Variants in EGFLAM observed in about 807,000 individuals in gnomAD.
EGFLAM encodes pikachurin.
Under a neutral mutation model 113.1 loss-of-function variants are expected in EGFLAM, and 79 were observed. The observed-to-expected ratio is 0.70, with a 90% CI of 0.58 to 0.84. EGFLAM has a LOEUF of 0.84. EGFLAM is among the 40% of genes least tolerant of loss of function. The pLI, the probability that EGFLAM is intolerant of heterozygous loss-of-function variation, is 0.00. For synonymous variants in EGFLAM, 504 were observed against 487.6 expected (o/e 1.03, Z -0.44); for missense variants, 1,265 against 1,291.6 (o/e 0.98, Z 0.32).
At chr5:38,365,512 T>C (rs932641615) in intron 5 of EGFLAM, among the ~76,000 whole-genome samples, 5 of 152,202 alleles carry the variant, frequency 3.3e-5, no homozygotes, top group Non-Finnish European at 5.9e-5. Flanking sequence ...TTTTTGAAAT[T>C]GTAGAATTGG....
intron 6 of EGFLAM, among the ~76,000 whole-genome samples, chr5:38,392,546 A>G (rs1437073946): frequency 3.3e-5 from 5 of 151,800 alleles, no homozygotes; most frequent in African/African-American, 1.2e-4. Context: ...GATTTCCAGA[A>G]TGGTTGAACT....
At chr5:38,396,053 A>G (rs1253073648) in intron 6 of EGFLAM, among the ~76,000 whole-genome samples, 1 of 152,084 alleles carries the variant, frequency 6.6e-6, no homozygotes, top group Admixed American at 6.6e-5. Flanking sequence ...CATTCACTGT[A>G]CCCACTCTTT....
intron 1 of EGFLAM, among the ~76,000 whole-genome samples, chr5:38,281,426 A>G (rs1324189686): frequency 1.3e-5 from 2 of 152,178 alleles, no homozygotes; most frequent in Non-Finnish European, 2.9e-5. Context: ...TATCCAAAAT[A>G]TTGCATGGGA....
intron 19 of EGFLAM, among the ~76,000 whole-genome samples, chr5:38,454,382 TCTC>T (rs202095274): frequency 0.012 from 1,848 of 152,138 alleles, 40 homozygotes; most frequent in African/African-American, 0.041. Context: ...GTTACCTAAA[TCTC>T]AGCCTCTGTC....
At chr5:38,269,538 G>A (rs960075265) in intron 1 of EGFLAM, among the ~76,000 whole-genome samples, 9 of 148,752 alleles carry the variant, frequency 6.1e-5, no homozygotes, top group Admixed American at 2.0e-4. Flanking sequence ...TGCCCAGGCT[G>A]GAGTGCAGTG....
intron 6 of EGFLAM, among the ~76,000 whole-genome samples, chr5:38,382,612 A>G (rs1204997959): frequency 6.6e-6 from 1 of 152,234 alleles, no homozygotes; most frequent in Non-Finnish European, 1.5e-5. Context: ...CTTATCTGCT[A>G]TTTCACAAAT....
chr5:38,407,022 G>A lies in EGFLAM; in HGVS notation c.1023G>A (p.Arg341=), dbSNP rs1741309897. The change falls in exon 8 of 22, where the codon AGG becomes AGA. Residue 341 remains arginine, a synonymous_variant. Coordinates refer to ENST00000322350, the MANE Select transcript of EGFLAM (RefSeq NM_152403.4). ...AGAATGGTGTGGCCATAATGTCAAG[G>A]CTCTTTGACATGCCTTGTGATGAAA... The part of the protein sequence containing the change: ...KGKNGVAIMS[R]LFDMPCDETL... 6.2e-7 allele frequency: 1 copy of A among 1,614,060 alleles called. No individual in the cohort carries two copies. Among genetic ancestry groups the A allele is most frequent in the Non-Finnish European group, 8.5e-7 (1 of 1,180,046 alleles).
intron 5 of EGFLAM, among the ~76,000 whole-genome samples, chr5:38,362,772 T>C (rs576441844): frequency 1.3e-5 from 2 of 152,314 alleles, no homozygotes; most frequent in South Asian, 4.1e-4. Flanking sequence ...CAAGTCCCTT[T>C]GCTCAGGCCC....
At chr5:38,352,125 C>A in intron 4 of EGFLAM, 71 bp from the exon 5 acceptor site, 1 of 1,603,492 alleles carries the variant, frequency 6.2e-7, no homozygotes, top group Non-Finnish European at 8.5e-7. Context: ...AGACCACCAG[C>A]CTAGCCCATT....
intron 18 of EGFLAM, among the ~76,000 whole-genome samples, chr5:38,449,906 A>C (rs905264449): frequency 9.2e-5 from 14 of 152,132 alleles, no homozygotes; most frequent in African/African-American, 3.4e-4. Flanking sequence ...TGTACCCTCA[A>C]ATATTCCAAT....
intron 1 of EGFLAM, among the ~76,000 whole-genome samples, chr5:38,337,232 A>T (rs1464119805): frequency 6.6e-6 from 1 of 152,202 alleles, no homozygotes; most frequent in African/African-American, 2.4e-5. Context: ...TTTGTGGTCT[A>T]TGCTACCCTG....
intron 6 of EGFLAM, among the ~76,000 whole-genome samples, chr5:38,378,823 T>C (rs2112055438): frequency 6.6e-6 from 1 of 152,284 alleles, no homozygotes; most frequent in South Asian, 2.1e-4. Flanking sequence ...CTAAGATGGG[T>C]ACAGTAATCC....
chr5:38,314,914 C>T (rs1230566349), intron 1 of EGFLAM, among the ~76,000 whole-genome samples: 1 of 152,124 alleles, frequency 6.6e-6, no homozygotes, highest in Non-Finnish European at 1.5e-5. Flanking sequence ...CAGTATGGAG[C>T]GGAGCTGCAG....
At chr5:38,455,725 C>A (rs1425487682) in intron 19 of EGFLAM, among the ~76,000 whole-genome samples, 1 of 152,166 alleles carries the variant, frequency 6.6e-6, no homozygotes, top group Non-Finnish European at 1.5e-5. Context: ...CCCCCTCCCA[C>A]AGTGATGGCT....
In EGFLAM at chr5:38,464,053, G is replaced by T. The variant is rs2112305125; in HGVS notation, c.*67G>T. Reference sequence around the variant, plus strand: ...AGAATCCCAGGGGCCCTCAGACCCTGCCTGATGCTATATGCAGAGGCCCAG... The same window carrying T: ...AGAATCCCAGGGGCCCTCAGACCCTTCCTGATGCTATATGCAGAGGCCCAG... On this transcript the variant is annotated 3_prime_UTR_variant, in exon 22 of 22. Transcript: ENST00000322350. The T allele has an allele frequency of 1.3e-6, 2 of 1,597,820 alleles. No homozygotes were observed. The highest frequency in any genetic ancestry group is 2.2e-5 in the East Asian group (1 of 44,720).
At chr5:38,376,771 A>G (rs1211715298) in intron 6 of EGFLAM, among the ~76,000 whole-genome samples, 2 of 152,116 alleles carry the variant, frequency 1.3e-5, no homozygotes, top group Non-Finnish European at 2.9e-5. Flanking sequence ...CCCGGGCTCA[A>G]GTGATCCTCC....
intron 1 of EGFLAM, among the ~76,000 whole-genome samples, chr5:38,279,031 AAC>A (rs1190038738): frequency 6.6e-6 from 1 of 152,196 alleles, no homozygotes; most frequent in African/African-American, 2.4e-5. Context: ...GAAAACAAAT[AAC>A]ACAATTAAAA....
chr5:38,464,837 C>T lies in EGFLAM; in HGVS notation c.*851C>T, dbSNP rs1743415506. On this transcript the variant is annotated 3_prime_UTR_variant, in exon 22 of 22. Coordinates refer to ENST00000322350, the MANE Select transcript of EGFLAM (RefSeq NM_152403.4). ...ATGGATAGGTAACTTGGGTGGGCAACTTGGGGAGCTGACCATTCTCTTTTG... is the reference window on the plus strand; with the variant it reads ...ATGGATAGGTAACTTGGGTGGGCAATTTGGGGAGCTGACCATTCTCTTTTG... 1 of 152,166 alleles carries T rather than the reference C, an allele frequency of 6.6e-6. No individual in the cohort carries two copies. 9.4% of individuals were successfully genotyped at this position (152,166 alleles called of 1,614,324 possible).
Position 38,406,959 on chromosome 5 carries a change from G to C in EGFLAM, c.960G>C (p.Thr320=). 1 of 1,614,150 alleles carries C rather than the reference G, an allele frequency of 6.2e-7. No individual in the cohort carries two copies. Residue 320 remains threonine, a synonymous_variant, in exon 8 of 22, where the codon ACG becomes ACC. Transcript: ENST00000322350. ...PPTSASLPVT[T]VAPQPIPIQR... is the part of the protein sequence containing the mutation. ...CCTCAGCATCTCTCCCTGTGACCACGGTGGCTCCCCAGCCCATTCCCATAC... is the reference window on the plus strand; with the variant it reads ...CCTCAGCATCTCTCCCTGTGACCACCGTGGCTCCCCAGCCCATTCCCATAC...
Sources: gnomAD v4.1 joint callset for allele counts (sites outside exome capture counted in the v4.1 genomes callset) on GRCh38, gnomAD v4.1.1 for gene constraint, MANE v1.5 for transcripts, NCBI Gene and HGNC (gene_info 2026-07-23, HGNC 2026-07-21) for gene names.